ENAH: variants seen among roughly 807,000 people sequenced by gnomAD.
ENAH encodes the protein ENAH actin regulator.
Under a neutral mutation model 78.7 loss-of-function variants are expected in ENAH, and 23 were observed. The observed-to-expected ratio is 0.29, with a 90% CI of 0.21 to 0.41. The LOEUF (loss-of-function observed/expected upper bound fraction) is 0.41, where lower values mean the gene tolerates loss of function less well. Among genes scored for constraint, ENAH ranks in the 10% least tolerant of loss-of-function variants. The probability of loss-of-function intolerance (pLI) is 1.00; values close to 1 mark genes in which losing one functional copy is unlikely to be tolerated. For synonymous variants in ENAH, 226 were observed against 241.0 expected (o/e 0.94, Z 0.58); for missense variants, 544 against 691.0 (o/e 0.79, Z 2.39).
At chr1:225,559,851 A>G (rs2096690842) in intron 2 of ENAH, among the ~76,000 whole-genome samples, 1 of 152,192 alleles carries the variant, frequency 6.6e-6, no homozygotes, top group Non-Finnish European at 1.5e-5. Flanking sequence ...CGCCTTCTAC[A>G]CTGGAAAAAG....
chr1:225,516,875 A>G (rs561677648), intron 6 of ENAH, among the ~76,000 whole-genome samples: 189 of 150,988 alleles, frequency 1.3e-3, no homozygotes, highest in African/African-American at 4.2e-3. Context: ...CTCTGTCTCA[A>G]AAAAACAAAA....
chr1:225,576,891 T>C (rs1391081725), intron 1 of ENAH, among the ~76,000 whole-genome samples: 3 of 152,120 alleles, frequency 2.0e-5, no homozygotes, highest in African/African-American at 7.2e-5. Flanking sequence ...TCCCAGCACT[T>C]TGGGAGGCTG....
rs2096253616 is a variant in ENAH, at chr1:225,497,225, CACTT to C, written c.*546_*549del. 1 of 152,612 alleles carries C rather than the reference CACTT, an allele frequency of 6.6e-6. No homozygotes were observed. The highest frequency in any genetic ancestry group is 1.5e-5 in the Non-Finnish European group (1 of 68,030). 9.5% of individuals were successfully genotyped at this position (152,612 alleles called of 1,614,324 possible). On this transcript the variant is annotated 3_prime_UTR_variant, in exon 14 of 14. Coordinates refer to ENST00000366843, the MANE Select transcript of ENAH (RefSeq NM_018212.6). ...TCTTATAAATATTACCCTTTGAAAGCACTTACAATTCCATTTGTTCCACATATTA... is the reference window on the plus strand; with the variant it reads ...TCTTATAAATATTACCCTTTGAAAGCACAATTCCATTTGTTCCACATATTA...
chr1:225,592,288 C>G (rs1186653621), intron 1 of ENAH, among the ~76,000 whole-genome samples: 1 of 152,210 alleles, frequency 6.6e-6, no homozygotes, highest in Non-Finnish European at 1.5e-5. Context: ...CATCCTCTGA[C>G]CAATACAAGA....
At chr1:225,587,850 G>A (rs1013696301) in intron 1 of ENAH, among the ~76,000 whole-genome samples, 1 of 151,942 alleles carries the variant, frequency 6.6e-6, no homozygotes, top group Non-Finnish European at 1.5e-5. Flanking sequence ...CACATATAAA[G>A]ACAACTAATT....
At chr1:225,501,724 GCTAA>G (rs1447598463) in intron 11 of ENAH, among the ~76,000 whole-genome samples, 1 of 152,064 alleles carries the variant, frequency 6.6e-6, no homozygotes, top group African/African-American at 2.4e-5. Context: ...TGTGTTTCAG[GCTAA>G]CTACTTCCAT....
At chr1:225,573,551 A>G (rs1027794284) in intron 1 of ENAH, among the ~76,000 whole-genome samples, 1 of 152,228 alleles carries the variant, frequency 6.6e-6, no homozygotes, top group Non-Finnish European at 1.5e-5. Flanking sequence ...CATTTTAAAG[A>G]TAACTGTAGC....
chr1:225,527,803 C>A (rs2096517086), intron 4 of ENAH, among the ~76,000 whole-genome samples: 1 of 152,154 alleles, frequency 6.6e-6, no homozygotes, highest in Admixed American at 6.5e-5. Context: ...ACTGGAAACT[C>A]CTACTTTATT....
intron 1 of ENAH, among the ~76,000 whole-genome samples, chr1:225,604,708 G>A (rs1362405172): frequency 2.6e-5 from 4 of 151,812 alleles, no homozygotes; most frequent in Admixed American, 6.6e-5. Context: ...CAGGAGAATC[G>A]CTTAAGCCCA....
intron 11 of ENAH, among the ~76,000 whole-genome samples, chr1:225,505,378 G>T (rs1440578056): frequency 6.6e-6 from 1 of 152,140 alleles, no homozygotes; most frequent in East Asian, 1.9e-4. Context: ...TTGAATACAA[G>T]ATCTGTAAGG....
intron 1 of ENAH, among the ~76,000 whole-genome samples, chr1:225,628,968 G>A (rs1658467000): frequency 6.6e-6 from 1 of 151,648 alleles, no homozygotes; most frequent in East Asian, 1.9e-4. Context: ...TGACTAGAGA[G>A]TAAGTCTGGT....
intron 5 of ENAH, among the ~76,000 whole-genome samples, chr1:225,518,500 C>T (rs1390721853): frequency 3.3e-5 from 5 of 151,092 alleles, no homozygotes; most frequent in African/African-American, 1.2e-4. Flanking sequence ...AATTAGGTAG[C>T]TAAAAATACA....
intron 1 of ENAH, among the ~76,000 whole-genome samples, chr1:225,632,691 T>C (rs1379240995): frequency 6.6e-6 from 1 of 152,248 alleles, no homozygotes; most frequent in Non-Finnish European, 1.5e-5. Context: ...TGAAATATAA[T>C]GCATGTAAAG....
At chr1:225,590,151 G>C (rs1042007547) in intron 1 of ENAH, among the ~76,000 whole-genome samples, 4 of 145,922 alleles carry the variant, frequency 2.7e-5, no homozygotes, top group African/African-American at 1.0e-4. Context: ...TTTAAACACA[G>C]ATTCCAAATT....
chr1:225,607,790 A>C (rs959436610), intron 1 of ENAH, among the ~76,000 whole-genome samples: 1 of 152,168 alleles, frequency 6.6e-6, no homozygotes, highest in African/African-American at 2.4e-5. Context: ...ACAGGAAAAC[A>C]AAACAGCCTA....
chr1:225,650,108 C>T (rs574653822), intron 1 of ENAH, among the ~76,000 whole-genome samples: 1 of 152,284 alleles, frequency 6.6e-6, no homozygotes, highest in Non-Finnish European at 1.5e-5. Context: ...AGCACAAGAA[C>T]GTTTTATCCC....
At chr1:225,566,271 G>A (rs1207640531) in intron 2 of ENAH, among the ~76,000 whole-genome samples, 1 of 151,778 alleles carries the variant, frequency 6.6e-6, no homozygotes, top group Non-Finnish European at 1.5e-5. Flanking sequence ...TTTTTTGTTT[G>A]TTTGTTTGTT....
intron 2 of ENAH, among the ~76,000 whole-genome samples, chr1:225,562,441 A>G (rs1317763250): frequency 6.6e-6 from 1 of 151,526 alleles, no homozygotes; most frequent in Non-Finnish European, 1.5e-5. Flanking sequence ...GCGTGGTGAC[A>G]GGCGCCTATA....
At chr1:225,578,499 A>T (rs899788177) in intron 1 of ENAH, among the ~76,000 whole-genome samples, 5 of 152,148 alleles carry the variant, frequency 3.3e-5, no homozygotes, top group African/African-American at 1.2e-4. Context: ...AAAGAAAGAA[A>T]TATTAACAAA....
Sources: allele counts gnomAD v4.1 joint callset (sites outside exome capture counted in the v4.1 genomes callset), GRCh38; gene constraint gnomAD v4.1.1; transcripts MANE v1.5; gene names NCBI Gene and HGNC (gene_info 2026-07-23, HGNC 2026-07-21).